Variants in GTPBP8 observed in about 807,000 individuals in gnomAD.
The protein encoded by GTPBP8 is GTP binding protein 8.
A neutral mutation model predicts 27.3 loss-of-function variants in GTPBP8; 21 were observed. The ratio of observed to expected loss-of-function variants is 0.77; its 90% CI spans 0.55 to 1.11. The LOEUF (loss-of-function observed/expected upper bound fraction) is 1.11. Ranked by LOEUF, GTPBP8 falls within the 50% of genes least tolerant of loss-of-function variation. GTPBP8 has a pLI of 0.00. For synonymous variants in GTPBP8, 147 were observed against 135.3 expected, an observed-to-expected ratio of 1.09 and a Z score of -0.60; for missense variants, 380 against 350.8, an observed-to-expected ratio of 1.08 and a Z score of -0.67.
rs1274120886 is a variant in GTPBP8 at position 113,001,315 on chromosome 3, C to G, written c.*396C>G. 6.5e-6 allele frequency: 1 copy of G among 153,662 alleles called. No individual in the cohort carries two copies. The highest frequency in any genetic ancestry group is 1.4e-5 in the Non-Finnish European group (1 of 69,250). The allele number at this position is 153,662 out of a possible 1,614,324, so 9.5% of individuals were successfully genotyped here. On this transcript the variant is annotated 3_prime_UTR_variant, in exon 6 of 6. Coordinates refer to ENST00000383678, the MANE Select transcript of GTPBP8 (RefSeq NM_014170.4). ...TTAAAATGGGCTAGGTAAAAGGGGG[C>G]TGCTTTTCTGTTAAGCATCGATAGG...
chr3:112,995,712 T>C (rs1044730622), intron 3 of GTPBP8, among the ~76,000 whole-genome samples: 3 of 152,126 alleles, frequency 2.0e-5, no homozygotes, highest in African/African-American at 4.8e-5. Flanking sequence ...CATTTTTGTA[T>C]TTTTAGTAGA....
chr3:112,997,381 G>A (rs1218124952), intron 4 of GTPBP8, among the ~76,000 whole-genome samples: 4 of 152,176 alleles, frequency 2.6e-5, no homozygotes, highest in African/African-American at 9.7e-5. Context: ...AACTTAAAAA[G>A]TTGCTTAACT....
At position 112,999,317 on chromosome 3, in the gene GTPBP8, G is replaced by T. The variant is rs1280993229; in HGVS notation, c.667-129G>T. 15 of 489,700 alleles carry T rather than the reference G, an allele frequency of 3.1e-5. No individual in the cohort carries two copies. In the East Asian group the frequency reaches 4.7e-4, roughly 15 times the overall value. 30.3% of individuals were successfully genotyped at this position (489,700 alleles called of 1,614,324 possible). On this transcript the variant is annotated intron_variant, in intron 4 of 5. Coordinates refer to ENST00000383678, the MANE Select transcript of GTPBP8 (RefSeq NM_014170.4). ...TATGGGTCATTATTTTTATTTTATA[G>T]ATGAGGAAATAGGTACAGAGATAAA...
In GTPBP8 at chr3:112,996,928, T is replaced by A; in HGVS notation, c.603T>A (p.Val201=). ...CATTTTTATTAGTGGATAGCGTTGT[T>A]GGAATTCAAAAAACAGACAATATTG... is the stretch of plus-strand genomic sequence containing the variant. ...KRTFLLVDSV[V]GIQKTDNIAI... Residue 201 remains valine, a synonymous_variant, in exon 4 of 6, where the codon GTT becomes GTA. Coordinates refer to ENST00000383678, the MANE Select transcript of GTPBP8 (RefSeq NM_014170.4). 6.3e-7 allele frequency: 1 copy of A among 1,580,656 alleles called. No homozygotes were observed. The highest frequency in any genetic ancestry group is 8.7e-7 in the Non-Finnish European group (1 of 1,150,668).
intron 4 of GTPBP8, among the ~76,000 whole-genome samples, chr3:112,998,976 C>T (rs1933840169): frequency 6.6e-6 from 1 of 152,168 alleles, no homozygotes; most frequent in African/African-American, 2.4e-5. Context: ...GAATTCTGGA[C>T]TTACTTGGAA....
At position 112,993,061 on chromosome 3, in the gene GTPBP8, A is replaced by G; in HGVS notation, c.372A>G (p.Ser124=). ...CFIGRSNVGK[S]SLIKALFSLA... ...TAGGCAGAAGCAATGTTGGAAAATC[A>G]TCTCTAATCAAGGCTTTATTTTCAC... The change falls in exon 2 of 6, where the codon TCA becomes TCG. Residue 124 remains serine, a synonymous_variant. Coordinates refer to ENST00000383678, the MANE Select transcript of GTPBP8 (RefSeq NM_014170.4). 6.2e-7 allele frequency: 1 copy of G among 1,611,550 alleles called. No homozygotes were observed. Among genetic ancestry groups the G allele is most frequent in the South Asian group, 1.1e-5 (1 of 90,872 alleles).
chr3:113,000,237 T>TA (rs566530785), intron 5 of GTPBP8, among the ~76,000 whole-genome samples: 4,142 of 145,994 alleles, frequency 0.028, 62 homozygotes, highest in African/African-American at 0.037. Flanking sequence ...AAAATTAAAA[T>TA]AAAAAAAAAA....
chr3:112,998,115 T>G (rs1933821763), intron 4 of GTPBP8, among the ~76,000 whole-genome samples: 1 of 152,172 alleles, frequency 6.6e-6, no homozygotes, highest in Non-Finnish European at 1.5e-5. Flanking sequence ...ACCATGTTTT[T>G]CCTCTGCTCT....
intron 4 of GTPBP8, among the ~76,000 whole-genome samples, chr3:112,998,294 T>C (rs1933825624): frequency 6.6e-6 from 1 of 152,176 alleles, no homozygotes; most frequent in African/African-American, 2.4e-5. Context: ...CTAGAATATC[T>C]AGACTGGCTT....
At position 113,001,432 on chromosome 3, in the gene GTPBP8, T is replaced by C. The variant is rs1024777664; in HGVS notation, c.*513T>C. On this transcript the variant is annotated 3_prime_UTR_variant, in exon 6 of 6. Transcript: ENST00000383678. ...ATTCTTGATAAAATGTGTTAGTCCA[T>C]GTTGGAAACAACCGAAAGAACAGAA... 6.6e-6 allele frequency: 1 copy of C among 152,270 alleles called. No homozygotes were observed. The highest frequency in any genetic ancestry group is 2.4e-5 in the African/African-American group (1 of 41,466). The allele number at this position is 152,270 out of a possible 1,614,324, so 9.4% of individuals were successfully genotyped here. A position where few individuals can be genotyped will look rare whatever the true frequency, so the allele number is the denominator to read the frequency against.
chr3:112,991,312 GC>G lies in GTPBP8; in HGVS notation c.317del (p.Pro106ArgfsTer11). The G allele has an allele frequency of 6.2e-7, 1 of 1,613,622 alleles. No individual in the cohort carries two copies. The highest frequency in any genetic ancestry group is 8.5e-7 in the Non-Finnish European group (1 of 1,180,012). On this transcript the variant is annotated frameshift_variant, in exon 1 of 6. Transcript: ENST00000383678. LOFTEE classifies it high-confidence loss of function. Reference sequence around the variant, plus strand: ...CAGCTCCGCCGTCCGTATCGACCACGCCCCGGACCTTCCGCGGCCAGAGGTG... The same window carrying G: ...CAGCTCCGCCGTCCGTATCGACCACGCCCGGACCTTCCGCGGCCAGAGGTG... ...YVSSAVRIDH[A>X]PDLPRPEVCF...
At chr3:112,995,839 T>C (rs1315254979) in intron 3 of GTPBP8, among the ~76,000 whole-genome samples, 1 of 152,164 alleles carries the variant, frequency 6.6e-6, no homozygotes, top group Non-Finnish European at 1.5e-5. Flanking sequence ...CCTGGCCCAT[T>C]AATTTTTTTT....
At chr3:112,997,566 CT>C (rs1488224162) in intron 4 of GTPBP8, among the ~76,000 whole-genome samples, 3 of 152,156 alleles carry the variant, frequency 2.0e-5, no homozygotes, top group Admixed American at 6.5e-5. Flanking sequence ...ATTAATTTTG[CT>C]TTGTGAGACT....
Position 112,996,895 on chromosome 3 carries a change from G to A in GTPBP8, c.570G>A (p.Leu190=). 7.0e-7 allele frequency: 1 copy of A among 1,435,420 alleles called. No homozygotes were observed. Among genetic ancestry groups the A allele is most frequent in the African/African-American group, 1.4e-5 (1 of 71,616 alleles). 88.9% of individuals were successfully genotyped at this position (1,435,420 alleles called of 1,614,324 possible). ...CTTCTTTTCTACATGCTTATAGCTT[G>A]AAGAGAACATTTTTATTAGTGGATA... The part of the protein sequence containing the change: ...VETYLKERRN[L]KRTFLLVDSV... Residue 190 remains leucine, a synonymous_variant, in exon 4 of 6, where the codon TTG becomes TTA. Coordinates refer to ENST00000383678, the MANE Select transcript of GTPBP8 (RefSeq NM_014170.4).
chr3:112,991,452 A>G (rs558727242), intron 1 of GTPBP8, 117 bp downstream of exon 1: 231 of 917,404 alleles, frequency 2.5e-4, no homozygotes, highest in Non-Finnish European at 3.7e-4. Flanking sequence ...ATGTTGGCGC[A>G]TATATTATTT....
In GTPBP8 at chr3:112,991,136, A is replaced by G; in HGVS notation, c.137A>G (p.Lys46Arg). Residue 46 changes from lysine to arginine, a missense_variant, in exon 1 of 6, where the codon AAG (lysine) becomes AGG (arginine). Coordinates refer to ENST00000383678, the MANE Select transcript of GTPBP8 (RefSeq NM_014170.4). ...VLRLPKQQLR[K>R]LLYPLQEVER... ...CGGCTGCCGAAGCAGCAGCTGAGGA[A>G]GCTGCTGTACCCGCTGCAGGAAGTA... is the stretch of plus-strand genomic sequence containing the variant. 6.2e-7 allele frequency: 1 copy of G among 1,613,974 alleles called. No homozygotes were observed. The highest frequency in any genetic ancestry group is 8.5e-7 in the Non-Finnish European group (1 of 1,180,024).
intron 5 of GTPBP8, 66 bp downstream of exon 5, chr3:112,999,630 T>A: frequency 1.4e-6 from 1 of 696,010 alleles, no homozygotes; most frequent in Non-Finnish European, 2.5e-6. Flanking sequence ...GTGGGTTTTT[T>A]TTTTATTTCG....
chr3:113,000,696 C>A (rs1013620812), intron 5 of GTPBP8, among the ~76,000 whole-genome samples, 154 bp from the exon 6 acceptor site: 1 of 152,072 alleles, frequency 6.6e-6, no homozygotes, highest in Admixed American at 6.5e-5. Context: ...TACTACAAGA[C>A]GCGGCTGGGG....
At chr3:112,993,581 T>C (rs1463001462) in intron 2 of GTPBP8, among the ~76,000 whole-genome samples, 1 of 152,216 alleles carries the variant, frequency 6.6e-6, no homozygotes, top group Non-Finnish European at 1.5e-5. Flanking sequence ...TCTGCTGTAA[T>C]AGCTTTCTTT....
Sources: allele counts gnomAD v4.1 joint callset (sites outside exome capture counted in the v4.1 genomes callset), GRCh38; gene constraint gnomAD v4.1.1; transcripts MANE v1.5; gene names NCBI Gene and HGNC (gene_info 2026-07-23, HGNC 2026-07-21).